Variants in IKZF2 observed in about 807,000 individuals in gnomAD.
IKZF2 encodes IKAROS family zinc finger 2, also known as zinc finger protein Helios.
A neutral mutation model predicts 49.2 loss-of-function variants in IKZF2; 15 were observed. The observed-to-expected ratio is 0.30, with a 90% CI of 0.20 to 0.47. IKZF2 has a LOEUF of 0.47. Ranked by LOEUF, IKZF2 falls within the 20% of genes least tolerant of loss-of-function variation. The pLI, the probability that IKZF2 is intolerant of heterozygous loss-of-function variation, is 1.00. For missense variants in IKZF2, 567 were observed against 664.6 expected (o/e 0.85, Z 1.61); for synonymous variants, 227 against 221.4 (o/e 1.03, Z -0.23).
In IKZF2 at chr2:213,072,945, GTCAA is replaced by G. The variant is rs969894654; in HGVS notation, c.140-15850_140-15847del. The stretch of plus-strand genomic sequence containing the variant: ...GCTTCTTCAATACTCTCAAATGATG[GTCAA>G]TCAATGTTTCCCTTTTTCATTCATT... On this transcript the variant is annotated intron_variant, in intron 4 of 8. Transcript: ENST00000434687. 2.4e-4 allele frequency among the ~76,000 whole-genome samples: 36 copies of G among 152,054 alleles called. 2 individuals carry two copies. The highest frequency in any genetic ancestry group is 2.3e-3 in the Admixed American group (35 of 15,266).
Position 213,020,910 on chromosome 2 carries a change from T to G in IKZF2, c.712+1083A>C, listed in dbSNP as rs1038589450. On this transcript the variant is annotated intron_variant, in intron 7 of 8. Transcript: ENST00000434687. ...CCATTTAATACTGGGCAAACCTTTT[T>G]TAAATAAAAGATATACAAGTGGCCA... Among the ~76,000 whole-genome samples, 4 of 152,240 alleles carry G rather than the reference T, an allele frequency of 2.6e-5. No individual in the cohort carries two copies. The East Asian group carries it at 7.7e-4, about 29-fold the overall frequency.
intron 4 of IKZF2, among the ~76,000 whole-genome samples, chr2:213,112,279 T>G (rs1403940075): frequency 6.9e-6 from 1 of 145,096 alleles, no homozygotes; most frequent in Non-Finnish European, 1.6e-5. Context: ...ATCAACTATT[T>G]TCAAGGTATT....
intron 4 of IKZF2, among the ~76,000 whole-genome samples, chr2:213,131,570 T>G (rs1395295688): frequency 6.6e-6 from 1 of 152,206 alleles, no homozygotes; most frequent in East Asian, 1.9e-4. Context: ...CTCTAAATTC[T>G]AGAGTGACAC....
intron 4 of IKZF2, among the ~76,000 whole-genome samples, chr2:213,118,751 G>A (rs781044442): frequency 2.6e-5 from 4 of 152,144 alleles, no homozygotes; most frequent in Non-Finnish European, 4.4e-5. Flanking sequence ...CTCTACTCAG[G>A]TCTGGTACTA....
chr2:213,128,419 G>C (rs62189572), intron 4 of IKZF2, among the ~76,000 whole-genome samples: 41,245 of 152,004 alleles, frequency 0.27, 6,776 homozygotes, highest in Non-Finnish European at 0.37. Context: ...AGGTCACACA[G>C]CTATTAGGTT....
intron 6 of IKZF2, among the ~76,000 whole-genome samples, chr2:213,047,795 A>C (rs539155382): frequency 6.6e-6 from 1 of 152,256 alleles, no homozygotes; most frequent in African/African-American, 2.4e-5. Flanking sequence ...TACTTACCTC[A>C]TAATTTTGGT....
intron 4 of IKZF2, among the ~76,000 whole-genome samples, chr2:213,125,767 C>T (rs185105551): frequency 1.1e-4 from 17 of 152,102 alleles, no homozygotes; most frequent in Non-Finnish European, 1.9e-4. Context: ...AATTAAATCA[C>T]CATGTATCAT....
At chr2:213,022,892 T>C (rs1200317703) in intron 6 of IKZF2, among the ~76,000 whole-genome samples, 2 of 152,140 alleles carry the variant, frequency 1.3e-5, no homozygotes, top group African/African-American at 4.8e-5. Context: ...ATTATCTCAG[T>C]GTCATTATCT....
intron 4 of IKZF2, among the ~76,000 whole-genome samples, chr2:213,065,029 A>G (rs1702039033): frequency 6.6e-6 from 1 of 151,928 alleles, no homozygotes; most frequent in South Asian, 2.1e-4. Flanking sequence ...TCCTTCAGCC[A>G]TATGTCCTAT....
intron 7 of IKZF2, among the ~76,000 whole-genome samples, chr2:213,019,585 T>C (rs1398981575): frequency 1.3e-5 from 2 of 152,202 alleles, no homozygotes; most frequent in Non-Finnish European, 2.9e-5. Context: ...AAGTATGGTA[T>C]GAAATGGCAT....
At chr2:213,117,236 C>T (rs1279281817) in intron 4 of IKZF2, among the ~76,000 whole-genome samples, 1 of 152,144 alleles carries the variant, frequency 6.6e-6, no homozygotes, top group Non-Finnish European at 1.5e-5. Flanking sequence ...CGAGATACTG[C>T]CATTCAACCC....
chr2:213,023,791 C>T (rs1432007176), intron 6 of IKZF2, among the ~76,000 whole-genome samples: 3 of 152,072 alleles, frequency 2.0e-5, no homozygotes, highest in Non-Finnish European at 4.4e-5. Flanking sequence ...GCTAATAGCC[C>T]GCTGTAAACT....
intron 7 of IKZF2, among the ~76,000 whole-genome samples, chr2:213,019,134 T>A (rs1696918828): frequency 6.6e-6 from 1 of 152,128 alleles, no homozygotes; most frequent in Non-Finnish European, 1.5e-5. Context: ...AAAATGCCTC[T>A]TTTCCTTTAA....
chr2:213,133,707 T>TAAAA (rs1163003534), intron 4 of IKZF2, among the ~76,000 whole-genome samples: 3 of 149,766 alleles, frequency 2.0e-5, no homozygotes, highest in Admixed American at 6.6e-5. Flanking sequence ...CTCGAAAAAA[T>TAAAA]AAATAAATAA....
intron 6 of IKZF2, among the ~76,000 whole-genome samples, chr2:213,032,496 A>C (rs1391537545): frequency 6.6e-6 from 1 of 152,154 alleles, no homozygotes; most frequent in Non-Finnish European, 1.5e-5. Flanking sequence ...CACTTTGGGA[A>C]GTGGAGGCAG....
At position 213,007,320 on chromosome 2, in the gene IKZF2, G is replaced by A. The variant is rs368150242; in HGVS notation, c.*40C>T. The stretch of plus-strand genomic sequence containing the variant: ...TAAGTGCAGTATTTCTTCATGTGCA[G>A]TTCTTTACTTCATAGGGGTCCCCTT... On this transcript the variant is annotated 3_prime_UTR_variant, in exon 9 of 9. Coordinates refer to ENST00000434687, the MANE Select transcript of IKZF2 (RefSeq NM_001387220.1). 6.3e-7 allele frequency: 1 copy of A among 1,588,170 alleles called. No homozygotes were observed. Among genetic ancestry groups the A allele is most frequent in the Non-Finnish European group, 8.6e-7 (1 of 1,167,678 alleles).
chr2:213,143,224 C>G (rs886955370), intron 4 of IKZF2, among the ~76,000 whole-genome samples: 3 of 151,918 alleles, frequency 2.0e-5, no homozygotes, highest in Admixed American at 6.6e-5. Flanking sequence ...CAATAGAACA[C>G]AATCAATGGT....
chr2:213,094,656 T>C (rs770311618), intron 4 of IKZF2, among the ~76,000 whole-genome samples: 3 of 152,162 alleles, frequency 2.0e-5, no homozygotes, highest in Non-Finnish European at 4.4e-5. Context: ...AGGTACTCAA[T>C]GGACTTGAGG....
At chr2:213,083,084 T>C (rs753347656) in intron 4 of IKZF2, among the ~76,000 whole-genome samples, 33 of 152,312 alleles carry the variant, frequency 2.2e-4, no homozygotes, top group Admixed American at 1.7e-3. Flanking sequence ...AGCCATATAG[T>C]TGAAAAGTCT....
Sources: gnomAD v4.1 joint callset for allele counts (sites outside exome capture counted in the v4.1 genomes callset) on GRCh38, gnomAD v4.1.1 for gene constraint, MANE v1.5 for transcripts, NCBI Gene and HGNC (gene_info 2026-07-23, HGNC 2026-07-21) for gene names.